TBC1D9B: variants seen among roughly 807,000 people sequenced by gnomAD.
The protein encoded by TBC1D9B is TBC1 domain family, member 9B (with GRAM domain).
Under a neutral mutation model 121.1 loss-of-function variants are expected in TBC1D9B, and 87 were observed. That is an observed-to-expected ratio of 0.72 (90% CI 0.60 to 0.86). The LOEUF is 0.86. TBC1D9B is among the 40% of genes least tolerant of loss of function. The probability of loss-of-function intolerance (pLI) is 0.00; values close to 1 mark genes in which losing one functional copy is unlikely to be tolerated. For missense variants in TBC1D9B, 1,540 were observed against 1,628.6 expected, an observed-to-expected ratio of 0.95 and a Z score of 0.94; for synonymous variants, 668 against 670.1, an observed-to-expected ratio of 1.00 and a Z score of 0.05.
rs1198427774 is a variant in TBC1D9B at position 179,878,278 on chromosome 5, G to A, written c.1782+31C>T. Reference sequence around the variant, plus strand: ...CTCCTGTGAACCTCTGGTGGCAGATGCTGTCTCTGGGCCCCTGTCAGGCCC... The same window carrying A: ...CTCCTGTGAACCTCTGGTGGCAGATACTGTCTCTGGGCCCCTGTCAGGCCC... On this transcript the variant is annotated intron_variant, in intron 10 of 20. Coordinates refer to ENST00000355235, the MANE Select transcript of TBC1D9B (RefSeq NM_015043.4). The A allele has an allele frequency of 2.5e-6, 4 of 1,588,264 alleles. No homozygotes were observed. In the African/African-American group the frequency reaches 5.4e-5, roughly 21 times the overall value.
In TBC1D9B at chr5:179,863,306, T is replaced by C; in HGVS notation, c.*142A>G. 1 of 994,390 alleles carries C rather than the reference T, an allele frequency of 1.0e-6. No individual in the cohort carries two copies. The highest frequency in any genetic ancestry group is 1.5e-6 in the Non-Finnish European group (1 of 687,022). The allele number at this position is 994,390 out of a possible 1,614,324, so 61.6% of individuals were successfully genotyped here. A position where few individuals can be genotyped will look rare whatever the true frequency, so the allele number is the denominator to read the frequency against. On this transcript the variant is annotated 3_prime_UTR_variant, in exon 21 of 21. Transcript: ENST00000355235. The surrounding 1 kb of genome is among the most constrained non-coding windows in gnomAD (Gnocchi z 4.5). ...TAAGGCAGCTGGGTCTGCACCAGCC[T>C]TCTTTCCACTCACAACTCACTGCTC...
At position 179,863,044 on chromosome 5, in the gene TBC1D9B, C is replaced by A; in HGVS notation, c.*404G>T. ...CTGGTGCCAAGAGGCAGGAATGACCCCCATACCACATAGCTGCAGGAAAGC... is the reference window on the plus strand; with the variant it reads ...CTGGTGCCAAGAGGCAGGAATGACCACCATACCACATAGCTGCAGGAAAGC... On this transcript the variant is annotated 3_prime_UTR_variant, in exon 21 of 21. Coordinates refer to ENST00000355235, the MANE Select transcript of TBC1D9B (RefSeq NM_015043.4). The surrounding 1 kb of genome is among the most constrained non-coding windows in gnomAD (Gnocchi z 4.5). 3.8e-6 allele frequency: 1 copy of A among 263,918 alleles called. No individual in the cohort carries two copies. Among genetic ancestry groups the A allele is most frequent in the South Asian group, 4.6e-5 (1 of 21,826 alleles). 16.3% of individuals were successfully genotyped at this position (263,918 alleles called of 1,614,324 possible).
In TBC1D9B at chr5:179,891,377, A is replaced by T. The variant is rs1240369336; in HGVS notation, c.1044+2T>A. 2.5e-6 allele frequency: 4 copies of T among 1,613,954 alleles called. No individual in the cohort carries two copies. Among genetic ancestry groups the T allele is most frequent in the African/African-American group, 1.3e-5 (1 of 74,966 alleles). On this transcript the variant is annotated splice_donor_variant, in intron 6 of 20. Coordinates refer to ENST00000355235, the MANE Select transcript of TBC1D9B (RefSeq NM_015043.4). LOFTEE classifies it high-confidence loss of function. The surrounding 1 kb of genome is among the most constrained non-coding windows in gnomAD (Gnocchi z 4.3). ...TTGGCCTCTCAACTAGGGGATGCTG[A>T]CCTCCCTCAGGGGTATGATGAGGTG...
At position 179,885,194 on chromosome 5, in the gene TBC1D9B, A is replaced by G. The variant is rs570883330; in HGVS notation, c.1254+2909T>C. Among the ~76,000 whole-genome samples, 1 of 152,344 alleles carries G rather than the reference A, an allele frequency of 6.6e-6. No homozygotes were observed. The highest frequency in any genetic ancestry group is 1.9e-4 in the East Asian group (1 of 5,190). On this transcript the variant is annotated intron_variant, in intron 7 of 20. Transcript: ENST00000355235. This position sits in a 1 kb window ranked among gnomAD's most constrained non-coding sequence, Gnocchi z 4.5. ...TAATTGTAAATTTTCTAGTAGCCAC[A>G]TTGTAAAGTCCTAAAGTAAATTATT... is the stretch of plus-strand genomic sequence containing the variant.
Position 179,888,219 on chromosome 5 carries a change from G to C in TBC1D9B, c.1138C>G (p.Leu380Val). The C allele has an allele frequency of 6.2e-7, 1 of 1,612,414 alleles. No homozygotes were observed. The highest frequency in any genetic ancestry group is 8.5e-7 in the Non-Finnish European group (1 of 1,179,408). The part of the protein sequence containing the change: ...KSKMTFLFAN[L>V]KDRDFLVQRI... ...TGCACCAAGAAATCACGGTCTTTCAGGTTGGCAAACAGGAATGTCATTTTG... is the reference window on the plus strand; with the variant it reads ...TGCACCAAGAAATCACGGTCTTTCACGTTGGCAAACAGGAATGTCATTTTG... Residue 380 changes from leucine (L) to valine (V), a missense_variant, in exon 7 of 21, where the codon CTG becomes GTG. By Grantham distance (32) the Leu-to-Val change is conservative. Transcript: ENST00000355235.
intron 3 of TBC1D9B, among the ~76,000 whole-genome samples, chr5:179,897,073 A>G (rs925580980): frequency 3.3e-5 from 5 of 149,292 alleles, no homozygotes; most frequent in African/African-American, 1.0e-4. Context: ...TGCCCGGCTA[A>G]TTTTTTTGTA....
rs141539662 is a variant in TBC1D9B, at chr5:179,894,458, C to T, written c.505G>A (p.Val169Met). The change falls in exon 4 of 21, where the codon GTG (valine) becomes ATG (methionine). Residue 169 changes from valine to methionine, a missense_variant. Physicochemically the swap from Val to Met is conservative, Grantham distance 21. Transcript: ENST00000355235. ...YYSCSYWKGR[V>M]PRQGWLYLTV... Reference sequence around the variant, plus strand: ...AGGTACAGCCAGCCCTGCCGGGGCACGCGGCCCTTCCAGTAGCTGCAGGAG... The same window carrying T: ...AGGTACAGCCAGCCCTGCCGGGGCATGCGGCCCTTCCAGTAGCTGCAGGAG... 2,582 of 1,614,172 alleles carry T rather than the reference C, an allele frequency of 1.6e-3. 12 individuals are homozygous for T. The highest frequency in any genetic ancestry group is 1.4e-3 in the Non-Finnish European group (1,615 of 1,180,004).
At chr5:179,903,938 G>A (rs1761231028) in intron 2 of TBC1D9B, among the ~76,000 whole-genome samples, 1 of 152,186 alleles carries the variant, frequency 6.6e-6, no homozygotes, top group African/African-American at 2.4e-5. Context: ...TGGGCATCAG[G>A]CGAGTCAAAT....
At position 179,863,102 on chromosome 5, in the gene TBC1D9B, C is replaced by T. The variant is rs778940813; in HGVS notation, c.*346G>A. 16 of 292,538 alleles carry T rather than the reference C, an allele frequency of 5.5e-5. No homozygotes were observed. Among genetic ancestry groups the T allele is most frequent in the African/African-American group, 2.1e-4 (10 of 46,554 alleles). 18.1% of individuals were successfully genotyped at this position (292,538 alleles called of 1,614,324 possible). ...GATGGAGGGACTCAGCTGGCCTGGC[C>T]GCAGTGTGGAGCACAGAGGTATGAG... On this transcript the variant is annotated 3_prime_UTR_variant, in exon 21 of 21. Transcript: ENST00000355235. The surrounding 1 kb of genome is among the most constrained non-coding windows in gnomAD (Gnocchi z 4.5).
In TBC1D9B at chr5:179,865,385, A is replaced by C. The variant is rs772838644; in HGVS notation, c.2915-25T>G. On this transcript the variant is annotated intron_variant, in intron 19 of 20. Coordinates refer to ENST00000355235, the MANE Select transcript of TBC1D9B (RefSeq NM_015043.4). The surrounding 1 kb of genome is among the most constrained non-coding windows in gnomAD (Gnocchi z 5.1). ...TCTGCAGGTTAGGAGGAAAGAGATT[A>C]ATCTTTGTCATGTGAGACGGCTGCG... 4 of 1,607,488 alleles carry C rather than the reference A, an allele frequency of 2.5e-6. No homozygotes were observed. Among genetic ancestry groups the C allele is most frequent in the Non-Finnish European group, 3.4e-6 (4 of 1,174,244 alleles).
chr5:179,900,767 G>A (rs939359307), intron 2 of TBC1D9B, among the ~76,000 whole-genome samples: 2 of 152,166 alleles, frequency 1.3e-5, no homozygotes, highest in Middle Eastern at 3.2e-3. Context: ...TCGCATGCAC[G>A]GATCTCCTTC....
At chr5:179,883,734 T>G (rs188006741) in intron 7 of TBC1D9B, among the ~76,000 whole-genome samples, 1 of 152,326 alleles carries the variant, frequency 6.6e-6, no homozygotes, top group East Asian at 1.9e-4. Context: ...GTTTTTCTGG[T>G]GTGCTTTCAT....
chr5:179,865,101 C>T lies in TBC1D9B; in HGVS notation c.3021+153G>A, dbSNP rs956936993. The stretch of plus-strand genomic sequence containing the variant: ...TGGCCTCTTGTCTTTCTGGAATCAT[C>T]GCTGACTGGCAACCAGGACTAACGG... On this transcript the variant is annotated intron_variant, in intron 20 of 20. Transcript: ENST00000355235. This position sits in a 1 kb window ranked among gnomAD's most constrained non-coding sequence, Gnocchi z 5.1. Among the ~76,000 whole-genome samples, 2 of 152,200 alleles carry T rather than the reference C, an allele frequency of 1.3e-5. No homozygotes were observed. Among genetic ancestry groups the T allele is most frequent in the Non-Finnish European group, 2.9e-5 (2 of 68,040 alleles).
intron 1 of TBC1D9B, among the ~76,000 whole-genome samples, chr5:179,905,184 T>A (rs1205524740): frequency 6.6e-6 from 1 of 151,262 alleles, no homozygotes; most frequent in African/African-American, 2.4e-5. Context: ...GAGCTACACG[T>A]TAAAGTTAAA....
chr5:179,904,227 T>TC lies in TBC1D9B; in HGVS notation c.229+474_229+475insG, dbSNP rs1761241901. Among the ~76,000 whole-genome samples, 1 of 144,110 alleles carries TC rather than the reference T, an allele frequency of 6.9e-6. No individual in the cohort carries two copies. The highest frequency in any genetic ancestry group is 2.3e-4 in the South Asian group (1 of 4,310). The allele number at this position is 144,110 out of a possible 152,430, so 94.5% of individuals were successfully genotyped here. ...CATGACCAGTGGAGCTGCCTTTTTT[T>TC]TTTTTTTTTTTTTTTGAGACGGAAT... On this transcript the variant is annotated intron_variant, in intron 2 of 20. Coordinates refer to ENST00000355235, the MANE Select transcript of TBC1D9B (RefSeq NM_015043.4). The surrounding 1 kb of genome is among the most constrained non-coding windows in gnomAD (Gnocchi z 4.2).
chr5:179,867,906 A>G, intron 17 of TBC1D9B, 57 bp from the exon 18 acceptor site: 1 of 1,475,842 alleles, frequency 6.8e-7, no homozygotes, highest in Non-Finnish European at 9.0e-7. Flanking sequence ...ATCCTCTCAG[A>G]GTAAGTTCCC....
At position 179,875,124 on chromosome 5, in the gene TBC1D9B, T is replaced by C. The variant is rs750412119; in HGVS notation, c.1964A>G (p.Glu655Gly). The C allele has an allele frequency of 3.1e-6, 5 of 1,613,968 alleles. No individual in the cohort carries two copies. Among genetic ancestry groups the C allele is most frequent in the Non-Finnish European group, 4.2e-6 (5 of 1,180,018 alleles). The change falls in exon 12 of 21, where the codon GAG becomes GGG. Residue 655 changes from glutamate (E) to glycine (G), a missense_variant. Transcript: ENST00000355235. The surrounding 1 kb of genome is among the most constrained non-coding windows in gnomAD (Gnocchi z 4.5). ...GATCACCCCCAGGTCCTGCATCTTCTCCGAGAGCTGCGGCAGGAAGTCTCT... is the reference window on the plus strand; with the variant it reads ...GATCACCCCCAGGTCCTGCATCTTCCCCGAGAGCTGCGGCAGGAAGTCTCT... ...LTRDFLPQLS[E>G]KMQDLGVISS...
chr5:179,878,094 G>A (rs1760412404), intron 10 of TBC1D9B, among the ~76,000 whole-genome samples: 1 of 152,254 alleles, frequency 6.6e-6, no homozygotes, highest in Admixed American at 6.5e-5. Context: ...ATCAAATGCT[G>A]CTGGGACTCA....
intron 2 of TBC1D9B, among the ~76,000 whole-genome samples, chr5:179,901,579 G>A (rs1204608268): frequency 6.6e-6 from 1 of 152,140 alleles, no homozygotes. Context: ...GAGCCCAGGA[G>A]TTTGAGATCA....
Sources: gnomAD v4.1 joint callset for allele counts (sites outside exome capture counted in the v4.1 genomes callset) on GRCh38, gnomAD v4.1.1 for gene constraint, Gnocchi (gnomAD v3.1) non-coding constraint, MANE v1.5 for transcripts, NCBI Gene and HGNC (gene_info 2026-07-23, HGNC 2026-07-21) for gene names.